Variants in FAM168A observed in about 807,000 individuals in gnomAD.
FAM168A encodes protein FAM168A.
FAM168A carries 3 observed loss-of-function variants against 28.5 expected under a neutral mutation model. The observed-to-expected ratio is 0.11, with a 90% CI of 0.05 to 0.27. The LOEUF (loss-of-function observed/expected upper bound fraction) is 0.27. Among genes scored for constraint, FAM168A ranks in the 10% least tolerant of loss-of-function variants. The probability of loss-of-function intolerance (pLI) is 1.00; values close to 1 mark genes in which losing one functional copy is unlikely to be tolerated. For missense variants in FAM168A, 222 were observed against 311.5 expected (o/e 0.71, Z 2.16); for synonymous variants, 122 against 124.2 (o/e 0.98, Z 0.12).
At chr11:73,578,738 A>C (rs1944205852) in intron 1 of FAM168A, among the ~76,000 whole-genome samples, 1 of 152,246 alleles carries the variant, frequency 6.6e-6, no homozygotes, top group African/African-American at 2.4e-5. Flanking sequence ...AATGTTAATT[A>C]CAAAATGTAG....
At chr11:73,478,976 C>T (rs2099296626) in intron 1 of FAM168A, among the ~76,000 whole-genome samples, 2 of 152,108 alleles carry the variant, frequency 1.3e-5, no homozygotes, top group Admixed American at 6.6e-5. Flanking sequence ...CCCAACTTTC[C>T]CAGGAATAGT....
chr11:73,462,443 G>A (rs1867663113), intron 2 of FAM168A, among the ~76,000 whole-genome samples: 1 of 152,134 alleles, frequency 6.6e-6, no homozygotes, highest in African/African-American at 2.4e-5. Flanking sequence ...GAGCTGGGGG[G>A]GAGGGTGAAA....
chr11:73,464,198 A>C (rs1867696031), intron 2 of FAM168A, among the ~76,000 whole-genome samples: 1 of 151,972 alleles, frequency 6.6e-6, no homozygotes, highest in Non-Finnish European at 1.5e-5. Context: ...AAAAAAAAAA[A>C]AAACACATAC....
At chr11:73,539,675 A>T (rs1183961374) in intron 1 of FAM168A, among the ~76,000 whole-genome samples, 1 of 152,238 alleles carries the variant, frequency 6.6e-6, no homozygotes, top group East Asian at 1.9e-4. Context: ...AGCCAGGAGC[A>T]TCCTTTACAG....
At chr11:73,508,332 A>C (rs1040717472) in intron 1 of FAM168A, among the ~76,000 whole-genome samples, 7 of 152,312 alleles carry the variant, frequency 4.6e-5, no homozygotes, top group African/African-American at 1.7e-4. Context: ...AAAGGAAAAA[A>C]ATATTCAAAG....
At chr11:73,493,317 C>T (rs1854797095) in intron 1 of FAM168A, among the ~76,000 whole-genome samples, 1 of 152,110 alleles carries the variant, frequency 6.6e-6, no homozygotes, top group South Asian at 2.1e-4. Flanking sequence ...GCCCGTAGAC[C>T]ATACGTATAC....
At chr11:73,482,782 G>A (rs771372051) in intron 1 of FAM168A, among the ~76,000 whole-genome samples, 3 of 151,808 alleles carry the variant, frequency 2.0e-5, no homozygotes, top group East Asian at 1.9e-4. Flanking sequence ...TCTGTCACCC[G>A]GGCTGGAATG....
In FAM168A at chr11:73,400,853, A is replaced by C. The variant is rs1248183116; in HGVS notation, c.*5910T>G. The C allele has an allele frequency of 6.6e-6, 1 of 151,976 alleles. No homozygotes were observed. The highest frequency in any genetic ancestry group is 1.5e-5 in the Non-Finnish European group (1 of 68,018). 9.4% of individuals were successfully genotyped at this position (151,976 alleles called of 1,614,324 possible). ...TTGAGTGTTCTACAGCTTACAGTAA[A>C]TACCATAGTTACAAATTCTTGGCTT... On this transcript the variant is annotated 3_prime_UTR_variant, in exon 8 of 8. Coordinates refer to ENST00000356467, the MANE Select transcript of FAM168A (RefSeq NM_015159.3).
At chr11:73,555,373 C>T (rs1479299485) in intron 1 of FAM168A, among the ~76,000 whole-genome samples, 1 of 152,006 alleles carries the variant, frequency 6.6e-6, no homozygotes, top group Non-Finnish European at 1.5e-5. Flanking sequence ...GAGGAACACC[C>T]AATCCAGCCT....
At chr11:73,556,395 C>T (rs1175310044) in intron 1 of FAM168A, among the ~76,000 whole-genome samples, 2 of 149,812 alleles carry the variant, frequency 1.3e-5, no homozygotes, top group African/African-American at 2.4e-5. Context: ...CATCCCACCA[C>T]TAGCAAATTA....
intron 2 of FAM168A, among the ~76,000 whole-genome samples, chr11:73,458,875 G>T (rs901165461): frequency 6.6e-6 from 1 of 152,334 alleles, no homozygotes; most frequent in East Asian, 1.9e-4. Flanking sequence ...CTCCCAAAGT[G>T]ATGGGATTAC....
chr11:73,441,951 G>A (rs569920949), intron 2 of FAM168A, among the ~76,000 whole-genome samples: 102 of 152,204 alleles, frequency 6.7e-4, no homozygotes, highest in Non-Finnish European at 1.2e-3. Context: ...GATTTTGCCA[G>A]TCTTTTAAAA....
At chr11:73,475,395 G>C (rs1362844143) in intron 1 of FAM168A, among the ~76,000 whole-genome samples, 1 of 152,094 alleles carries the variant, frequency 6.6e-6, no homozygotes, top group African/African-American at 2.4e-5. Context: ...GCAATGCAAA[G>C]ATTATTAATT....
chr11:73,432,653 C>A (rs1867015843), intron 2 of FAM168A, among the ~76,000 whole-genome samples: 1 of 152,130 alleles, frequency 6.6e-6, no homozygotes, highest in Non-Finnish European at 1.5e-5. Context: ...GTGGCTCATG[C>A]CTGTAATCCC....
intron 4 of FAM168A, among the ~76,000 whole-genome samples, chr11:73,416,848 CGGAG>C (rs1326842059): frequency 2.0e-5 from 3 of 151,444 alleles, no homozygotes; most frequent in Non-Finnish European, 4.4e-5. Context: ...TGGGAGGCTG[CGGAG>C]GGAGGATTGC....
At chr11:73,557,975 A>G (rs1943909932) in intron 1 of FAM168A, among the ~76,000 whole-genome samples, 1 of 152,222 alleles carries the variant, frequency 6.6e-6, no homozygotes, top group Non-Finnish European at 1.5e-5. Flanking sequence ...ATCTACAGGC[A>G]GAAGAATGAA....
chr11:73,584,469 C>CCT (rs1944284486), intron 1 of FAM168A, among the ~76,000 whole-genome samples: 1 of 128,280 alleles, frequency 7.8e-6, no homozygotes, highest in Admixed American at 7.9e-5. Flanking sequence ...GGCCCACTGA[C>CCT]TTTTTTTTTT....
At chr11:73,449,700 G>A (rs1449812432) in intron 2 of FAM168A, among the ~76,000 whole-genome samples, 1 of 152,186 alleles carries the variant, frequency 6.6e-6, no homozygotes, top group African/African-American at 2.4e-5. Flanking sequence ...CTATCTTATG[G>A]TACCACGAAG....
chr11:73,440,798 A>G (rs950615805), intron 2 of FAM168A, among the ~76,000 whole-genome samples: 4 of 152,248 alleles, frequency 2.6e-5, no homozygotes, highest in African/African-American at 9.6e-5. Context: ...ATATGTCAGA[A>G]GATGCCATAA....
Sources: allele counts gnomAD v4.1 joint callset (sites outside exome capture counted in the v4.1 genomes callset), GRCh38; gene constraint gnomAD v4.1.1; transcripts MANE v1.5; gene names NCBI Gene and HGNC (gene_info 2026-07-23, HGNC 2026-07-21).